Variants in LTF observed in about 807,000 individuals in gnomAD.
The protein encoded by LTF is lactotransferrin.
A neutral mutation model predicts 87.2 loss-of-function variants in LTF; 91 were observed. The observed-to-expected ratio is 1.04, with a 90% CI of 0.88 to 1.24. The LOEUF (loss-of-function observed/expected upper bound fraction) is 1.24, where lower values mean the gene tolerates loss of function less well. Ranked by LOEUF, LTF falls within the 50% of genes most tolerant of loss-of-function variation. The pLI is 0.00. For synonymous variants in LTF, 378 were observed against 356.1 expected (o/e 1.06, Z -0.69); for missense variants, 901 against 904.3 (o/e 1.00, Z 0.05).
In LTF at chr3:46,439,459, G is replaced by T. The variant is rs149901533; in HGVS notation, c.1745C>A (p.Ala582Asp). Residue 582 changes from alanine (A) to aspartate (D), a missense_variant, in exon 15 of 17, where the codon GCT (alanine) becomes GAT (aspartate). Ala to Asp is a moderately radical substitution (Grantham distance 126, BLOSUM62 -2). Coordinates refer to ENST00000231751, the MANE Select transcript of LTF (RefSeq NM_002343.6). ...AAAGTCTGCCAGCTTCAAATCCTTAGCCCATGCCTCATTGTTATTTCCTGG... is the reference window on the plus strand; with the variant it reads ...AAAGTCTGCCAGCTTCAAATCCTTATCCCATGCCTCATTGTTATTTCCTGG... ...NTDGNNNEAW[A>D]KDLKLADFAL... 7 of 1,610,996 alleles carry T rather than the reference G, an allele frequency of 4.3e-6. No individual in the cohort carries two copies. The highest frequency in any genetic ancestry group is 5.9e-6 in the Non-Finnish European group (7 of 1,178,488).
chr3:46,443,174 A>T (rs1192253955), intron 13 of LTF, among the ~76,000 whole-genome samples: 2 of 152,224 alleles, frequency 1.3e-5, no homozygotes, highest in African/African-American at 4.8e-5. Context: ...GGACGAGGCT[A>T]TTGAGGCCTA....
intron 1 of LTF, among the ~76,000 whole-genome samples, chr3:46,483,193 G>A (rs1703474238): frequency 6.6e-6 from 1 of 152,156 alleles, no homozygotes. Flanking sequence ...TCAGAATGGG[G>A]GAAAATTTTG....
In LTF at chr3:46,436,207, G is replaced by A; in HGVS notation, c.2121C>T (p.Phe707=). Reference sequence around the variant, plus strand: ...ATCTTCTTCGGTTTTACTTCCTGAGGAATTCACAGGCTTCCAGGAGGGCTG... The same window carrying A: ...ATCTTCTTCGGTTTTACTTCCTGAGAAATTCACAGGCTTCCAGGAGGGCTG... ...STSPLLEACE[F]LRK Residue 707 remains phenylalanine (F), a synonymous_variant, in exon 17 of 17, where the codon TTC becomes TTT. Transcript: ENST00000231751. 1 of 1,614,170 alleles carries A rather than the reference G, an allele frequency of 6.2e-7. No homozygotes were observed. The highest frequency in any genetic ancestry group is 8.5e-7 in the Non-Finnish European group (1 of 1,179,990).
intron 6 of LTF, chr3:46,453,970 A>G (rs1702863150): frequency 3.4e-6 from 1 of 295,314 alleles, no homozygotes; most frequent in South Asian, 5.7e-5. Flanking sequence ...CAGGATTTCT[A>G]ATGCTCACTA....
intron 1 of LTF, among the ~76,000 whole-genome samples, chr3:46,462,319 T>C (rs1288164858): frequency 7.0e-6 from 1 of 143,326 alleles, no homozygotes; most frequent in Non-Finnish European, 1.6e-5. Flanking sequence ...ACCAAACAAA[T>C]ACCAGCTAAT....
At chr3:46,437,160 C>A (rs554455291) in intron 16 of LTF, among the ~76,000 whole-genome samples, 1 of 152,118 alleles carries the variant, frequency 6.6e-6, no homozygotes, top group Non-Finnish European at 1.5e-5. Flanking sequence ...CAGTTATCAC[C>A]GGGAGCCTTA....
At chr3:46,441,264 T>C (rs1702509225) in intron 14 of LTF, 152 bp downstream of exon 14, 2 of 602,926 alleles carry the variant, frequency 3.3e-6, no homozygotes, top group African/African-American at 1.9e-5. Flanking sequence ...GATGTTATCA[T>C]GTTGTCTATT....
chr3:46,442,040 T>G (rs1311610559), intron 13 of LTF: 2 of 147,768 alleles, frequency 1.4e-5, no homozygotes, highest in Admixed American at 1.4e-4. Flanking sequence ...GGGGATGAGA[T>G]AGTGATGTGT....
At chr3:46,457,799 A>AT (rs1702974825) in intron 2 of LTF, among the ~76,000 whole-genome samples, 1 of 151,566 alleles carries the variant, frequency 6.6e-6, no homozygotes, top group Admixed American at 6.6e-5. Context: ...TTATTTATTT[A>AT]TTTTTTCGAG....
At position 46,441,411 on chromosome 3, in the gene LTF, C is replaced by T. The variant is rs781539038; in HGVS notation, c.1723+5G>A. Reference sequence around the variant, plus strand: ...TGAAGGAGAAAAGGAAACACCTTCACCTACCATCAGTGTTCTGCAAGACAG... The same window carrying T: ...TGAAGGAGAAAAGGAAACACCTTCATCTACCATCAGTGTTCTGCAAGACAG... On this transcript the variant is annotated splice_donor_5th_base_variant and intron_variant, in intron 14 of 16. Transcript: ENST00000231751. 1 of 1,610,382 alleles carries T rather than the reference C, an allele frequency of 6.2e-7. No homozygotes were observed. The highest frequency in any genetic ancestry group is 1.1e-5 in the South Asian group (1 of 90,270).
chr3:46,465,062 C>T (rs916956853), upstream of LTF: 7 of 619,432 alleles, frequency 1.1e-5, no homozygotes, highest in South Asian at 1.8e-5. Context: ...GACTCCACAC[C>T]GCGCTGCGAG....
At chr3:46,440,052 T>TTC (rs1450760553) in intron 14 of LTF, among the ~76,000 whole-genome samples, 1 of 152,234 alleles carries the variant, frequency 6.6e-6, no homozygotes, top group African/African-American at 2.4e-5. Context: ...GTGCAAGGGT[T>TTC]TCTTTATGGG....
chr3:46,442,143 G>A (rs1191766421), intron 13 of LTF, among the ~76,000 whole-genome samples: 2 of 152,086 alleles, frequency 1.3e-5, no homozygotes, highest in Non-Finnish European at 2.9e-5. Flanking sequence ...AATATAATAT[G>A]AGAATAACGC....
At chr3:46,450,719 A>T (rs1553663837) in intron 6 of LTF, 46 bp from the exon 7 acceptor site, 1 of 1,516,560 alleles carries the variant, frequency 6.6e-7, no homozygotes, top group Non-Finnish European at 9.1e-7. Flanking sequence ...AGCCGACTCC[A>T]GCAGTAACCT....
At chr3:46,453,558 C>T (rs1318736018) in intron 6 of LTF, among the ~76,000 whole-genome samples, 1 of 151,540 alleles carries the variant, frequency 6.6e-6, no homozygotes, top group Non-Finnish European at 1.5e-5. Flanking sequence ...CTCTGATGGT[C>T]CTGAGTGAAT....
chr3:46,459,933 C>G, intron 1 of LTF, 114 bp from the exon 2 acceptor site: 1 of 661,912 alleles, frequency 1.5e-6, no homozygotes, highest in Admixed American at 4.3e-5. Flanking sequence ...CCCTCCTTCC[C>G]TCTCCATTTC....
intron 1 of LTF, among the ~76,000 whole-genome samples, chr3:46,479,058 G>A (rs1049526115): frequency 6.6e-6 from 1 of 152,132 alleles, no homozygotes; most frequent in Admixed American, 6.5e-5. Context: ...TGCCCCCAAG[G>A]GCAACAGACA....
chr3:46,450,146 G>A (rs1158252776), intron 7 of LTF, 118 bp from the exon 8 acceptor site: 4 of 814,780 alleles, frequency 4.9e-6, no homozygotes, highest in Non-Finnish European at 3.8e-6. Flanking sequence ...CAGGAGCCTC[G>A]GTTGAGACCC....
Position 46,438,011 on chromosome 3 carries a change from G to T in LTF, c.2027C>A (p.Thr676Lys). The T allele has an allele frequency of 6.2e-7, 1 of 1,613,734 alleles. No individual in the cohort carries two copies. The highest frequency in any genetic ancestry group is 8.5e-7 in the Non-Finnish European group (1 of 1,179,898). Reference protein sequence around the residue: ...TECLARLHGKTTYEKYLGPQY... With the variant: ...TECLARLHGKKTYEKYLGPQY... ...TGGTCCCAAATATTTTTCATATGTT[G>T]TTTTGCCATGGAGTCTGGCCAGACA... is the stretch of plus-strand genomic sequence containing the variant. The change falls in exon 16 of 17, where the codon ACA (threonine) becomes AAA (lysine). Residue 676 changes from threonine to lysine, a missense_variant. Coordinates refer to ENST00000231751, the MANE Select transcript of LTF (RefSeq NM_002343.6).
Sources: allele counts gnomAD v4.1 joint callset (sites outside exome capture counted in the v4.1 genomes callset), GRCh38; gene constraint gnomAD v4.1.1; transcripts MANE v1.5; gene names NCBI Gene and HGNC (gene_info 2026-07-23, HGNC 2026-07-21).